The following AUTS2 variants were observed in gnomAD, a reference collection of about 807,000 sequenced individuals.
The protein encoded by AUTS2 is activator of transcription and developmental regulator AUTS2.
Under a neutral mutation model 112.4 loss-of-function variants are expected in AUTS2, and 17 were observed. That is an observed-to-expected ratio of 0.15 (90% confidence interval 0.10 to 0.23). AUTS2 has a LOEUF of 0.23. Ranked by LOEUF, AUTS2 falls within the 10% of genes least tolerant of loss-of-function variation. The pLI is 1.00. For synonymous variants in AUTS2, 751 were observed against 702.7 expected (o/e 1.07, Z -1.09); for missense variants, 1,510 against 1,701.6 (o/e 0.89, Z 1.98).
intron 5 of AUTS2, among the ~76,000 whole-genome samples, chr7:70,607,509 G>C (rs28444803): frequency 6.6e-6 from 1 of 152,180 alleles, no homozygotes; most frequent in Non-Finnish European, 1.5e-5. Context: ...GACTGGAAGA[G>C]TCTGGGGAAC....
intron 1 of AUTS2, among the ~76,000 whole-genome samples, chr7:69,710,710 C>T (rs367586374): frequency 2.6e-4 from 39 of 152,204 alleles, no homozygotes; most frequent in African/African-American, 7.5e-4. Flanking sequence ...GAAGATGGCT[C>T]GACTCTGACT....
At chr7:70,294,084 A>G (rs1304949631) in intron 4 of AUTS2, 2 of 152,238 alleles carry the variant, frequency 1.3e-5, no homozygotes, top group East Asian at 1.9e-4. Context: ...TGAGAATAAT[A>G]TAGATTATTT....
intron 1 of AUTS2, among the ~76,000 whole-genome samples, chr7:69,600,408 C>CGTGTGTGTGTGTGTGTGTAT (rs1792322014): frequency 7.0e-6 from 1 of 143,308 alleles, no homozygotes; most frequent in Admixed American, 7.0e-5. Flanking sequence ...GTCATATGTT[C>CGTGTGTGTGTGTGTGTGTAT]GTGTGTGTGT....
chr7:70,662,120 C>T (rs759419046), intron 5 of AUTS2, among the ~76,000 whole-genome samples: 5 of 152,230 alleles, frequency 3.3e-5, no homozygotes, highest in Non-Finnish European at 5.9e-5. Context: ...CAGGCAGCTG[C>T]GCTGACACAG....
At chr7:70,178,893 G>A (rs945532769) in intron 4 of AUTS2, among the ~76,000 whole-genome samples, 3 of 152,192 alleles carry the variant, frequency 2.0e-5, no homozygotes, top group Admixed American at 2.0e-4. Flanking sequence ...ATGCCCAGCA[G>A]CAAGTGGGCA....
intron 12 of AUTS2, 140 bp downstream of exon 12, chr7:70,774,239 A>G: frequency 1.3e-6 from 1 of 750,806 alleles, no homozygotes; most frequent in East Asian, 2.7e-5. Flanking sequence ...TGTGGAAGAA[A>G]ATGCCAATTA....
At chr7:70,437,193 T>C (rs907393131) in intron 5 of AUTS2, 16 of 152,218 alleles carry the variant, frequency 1.1e-4, no homozygotes, top group African/African-American at 3.9e-4. Flanking sequence ...AAGGGGGCTG[T>C]GGATTATTCT....
At chr7:70,736,570 C>T (rs1235571589) in intron 6 of AUTS2, among the ~76,000 whole-genome samples, 1 of 152,042 alleles carries the variant, frequency 6.6e-6, no homozygotes, top group African/African-American at 2.4e-5. Flanking sequence ...TTAAAAGTGG[C>T]AGATTTGTGT....
chr7:69,699,474 A>G (rs1269782469), intron 1 of AUTS2, among the ~76,000 whole-genome samples: 2 of 152,022 alleles, frequency 1.3e-5, no homozygotes, highest in Non-Finnish European at 2.9e-5. Flanking sequence ...GTAGTTACCA[A>G]TATATCTTGG....
At chr7:69,845,817 C>T (rs1792171323) in intron 1 of AUTS2, among the ~76,000 whole-genome samples, 1 of 152,154 alleles carries the variant, frequency 6.6e-6, no homozygotes, top group Non-Finnish European at 1.5e-5. Context: ...CTCTGTTTTC[C>T]ACCAATCCAA....
rs575462108 is a variant in AUTS2 at position 69,602,804 on chromosome 7, T to C, written c.309+2842T>C. 2.6e-5 allele frequency among the ~76,000 whole-genome samples: 4 copies of C among 152,372 alleles called. No homozygotes were observed. The South Asian group carries it at 8.3e-4, about 32-fold the overall frequency. On this transcript the variant is annotated intron_variant, in intron 1 of 18. Coordinates refer to ENST00000342771, the MANE Select transcript of AUTS2 (RefSeq NM_015570.4). The stretch of plus-strand genomic sequence containing the variant: ...ACACAATGGGAAATAGAAATCATCA[T>C]ATATGTCTGGTTCTTTGGCAAAAGG...
At chr7:69,791,978 T>C (rs2129326750) in intron 1 of AUTS2, among the ~76,000 whole-genome samples, 1 of 152,212 alleles carries the variant, frequency 6.6e-6, no homozygotes, top group African/African-American at 2.4e-5. Context: ...AGTAGGAGGC[T>C]GGGGAAGGTG....
intron 11 of AUTS2, among the ~76,000 whole-genome samples, chr7:70,771,998 G>A (rs527684614): frequency 6.6e-6 from 1 of 152,136 alleles, no homozygotes; most frequent in African/African-American, 2.4e-5. Context: ...AGGTTGTTCC[G>A]CAGGTGTATG....
At chr7:70,147,758 T>A (rs547928065) in intron 4 of AUTS2, among the ~76,000 whole-genome samples, 1 of 152,254 alleles carries the variant, frequency 6.6e-6, no homozygotes, top group South Asian at 2.1e-4. Context: ...TTTAAAAGTA[T>A]TATTTGCTGT....
intron 1 of AUTS2, among the ~76,000 whole-genome samples, chr7:69,695,789 A>G (rs543462795): frequency 6.6e-6 from 1 of 152,282 alleles, no homozygotes; most frequent in East Asian, 1.9e-4. Context: ...TTTTGACCAA[A>G]ATTACTCTAA....
chr7:69,842,964 G>C (rs898730905), intron 1 of AUTS2, among the ~76,000 whole-genome samples: 1 of 152,112 alleles, frequency 6.6e-6, no homozygotes, highest in Non-Finnish European at 1.5e-5. Flanking sequence ...GAGATGCTGG[G>C]GGCTTGAGTG....
intron 1 of AUTS2, among the ~76,000 whole-genome samples, chr7:69,783,304 G>A (rs1184003889): frequency 1.3e-5 from 2 of 151,956 alleles, no homozygotes. Context: ...GATCAGTTTA[G>A]GAGGAAACAG....
chr7:70,353,113 A>C (rs1791840921), intron 4 of AUTS2, among the ~76,000 whole-genome samples: 1 of 152,130 alleles, frequency 6.6e-6, no homozygotes, highest in African/African-American at 2.4e-5. Flanking sequence ...AAAACTGCTC[A>C]ATATTTGGAG....
At chr7:70,160,235 T>G (rs1368486807) in intron 4 of AUTS2, among the ~76,000 whole-genome samples, 3 of 152,142 alleles carry the variant, frequency 2.0e-5, no homozygotes, top group Non-Finnish European at 1.5e-5. Context: ...ATATTTCAAC[T>G]AATAGAAAGA....
Sources: allele counts gnomAD v4.1 joint callset (sites outside exome capture counted in the v4.1 genomes callset), GRCh38; gene constraint gnomAD v4.1.1; transcripts MANE v1.5; gene names NCBI Gene and HGNC (gene_info 2026-07-23, HGNC 2026-07-21).